The following CDC14B variants were observed in gnomAD, a reference collection of about 807,000 sequenced individuals.
The protein encoded by CDC14B is dual specificity protein phosphatase CDC14B.
CDC14B carries 22 observed loss-of-function variants against 64.2 expected under a neutral mutation model. The observed-to-expected ratio is 0.34, with a 90% confidence interval of 0.24 to 0.49. The LOEUF (loss-of-function observed/expected upper bound fraction) is 0.49. CDC14B is among the 20% of genes least tolerant of loss of function. CDC14B has a pLI of 0.99. For synonymous variants in CDC14B, 191 were observed against 215.8 expected, an observed-to-expected ratio of 0.89 and a Z score of 1.01; for missense variants, 498 against 629.9, an observed-to-expected ratio of 0.79 and a Z score of 2.24.
At chr9:96,599,251 G>A (rs1416779556) in intron 1 of CDC14B, among the ~76,000 whole-genome samples, 2 of 151,960 alleles carry the variant, frequency 1.3e-5, no homozygotes, top group African/African-American at 4.8e-5. Flanking sequence ...CATCATGATG[G>A]GTGCCTGTAA....
intron 13 of CDC14B, among the ~76,000 whole-genome samples, chr9:96,508,800 C>T (rs757819925): frequency 5.1e-4 from 78 of 152,226 alleles, no homozygotes; most frequent in Non-Finnish European, 1.0e-3. Context: ...ACTAATTTCA[C>T]ACTGATAAGG....
intron 1 of CDC14B, among the ~76,000 whole-genome samples, chr9:96,602,640 GC>G (rs1846571127): frequency 6.6e-6 from 1 of 152,038 alleles, no homozygotes; most frequent in South Asian, 2.1e-4. Flanking sequence ...GGAAAGACCT[GC>G]CCCCATGATT....
intron 13 of CDC14B, among the ~76,000 whole-genome samples, chr9:96,494,981 C>T (rs1833189263): frequency 6.6e-6 from 1 of 151,502 alleles, no homozygotes; most frequent in African/African-American, 2.4e-5. Flanking sequence ...ACTACAGGTA[C>T]CTGCCACCAC....
At chr9:96,594,879 G>A (rs569315155) in intron 1 of CDC14B, among the ~76,000 whole-genome samples, 17 of 152,198 alleles carry the variant, frequency 1.1e-4, no homozygotes, top group African/African-American at 2.9e-4. Flanking sequence ...TTGGCTGGGC[G>A]CGGTGGCTCA....
At chr9:96,494,031 A>T (rs1833155483) in intron 13 of CDC14B, among the ~76,000 whole-genome samples, 1 of 152,142 alleles carries the variant, frequency 6.6e-6, no homozygotes, top group South Asian at 2.1e-4. Flanking sequence ...TTCCCCCTGC[A>T]CCTATGGCAA....
chr9:96,549,856 T>C (rs549095629), intron 5 of CDC14B, among the ~76,000 whole-genome samples: 16 of 152,340 alleles, frequency 1.1e-4, no homozygotes, highest in Admixed American at 6.5e-4. Context: ...ATTTGAAACA[T>C]AGCAAGGCAG....
chr9:96,543,074 C>A (rs531448746), intron 5 of CDC14B, among the ~76,000 whole-genome samples: 4 of 151,028 alleles, frequency 2.6e-5, no homozygotes, highest in African/African-American at 9.8e-5. Flanking sequence ...CAGTGGCTAA[C>A]GCCTGTAATC....
intron 1 of CDC14B, among the ~76,000 whole-genome samples, chr9:96,582,824 A>G (rs1470307854): frequency 6.6e-6 from 1 of 152,190 alleles, no homozygotes; most frequent in Admixed American, 6.5e-5. Flanking sequence ...AGATTTACTA[A>G]TTAAATTGAT....
intron 1 of CDC14B, among the ~76,000 whole-genome samples, chr9:96,593,074 T>C (rs1182708864): frequency 1.3e-5 from 2 of 152,158 alleles, no homozygotes; most frequent in South Asian, 2.1e-4. Flanking sequence ...TAAAATAGAA[T>C]TTAAAAACCC....
chr9:96,512,486 A>AT (rs1264573735), intron 12 of CDC14B, among the ~76,000 whole-genome samples: 1 of 151,324 alleles, frequency 6.6e-6, no homozygotes, highest in Non-Finnish European at 1.5e-5. Flanking sequence ...CACCCAGCTA[A>AT]TTTTTTCATT....
chr9:96,598,301 G>A (rs1846213744), intron 1 of CDC14B, among the ~76,000 whole-genome samples: 1 of 152,188 alleles, frequency 6.6e-6, no homozygotes, highest in Non-Finnish European at 1.5e-5. Flanking sequence ...AAATCTAAAA[G>A]TTTGGTAACC....
In CDC14B at chr9:96,522,486, A is replaced by G. The variant is rs764827103; in HGVS notation, c.1343+20T>C. 5.8e-6 allele frequency: 9 copies of G among 1,546,068 alleles called. No homozygotes were observed. The highest frequency in any genetic ancestry group is 1.1e-5 in the South Asian group (1 of 89,730). On this transcript the variant is annotated intron_variant, in intron 12 of 13. Transcript: ENST00000375241. The stretch of plus-strand genomic sequence containing the variant: ...CACATATGAAGAAACATCAACCACA[A>G]CAAAGGAACCCAGACTCACGTGAGA...
intron 9 of CDC14B, 72 bp downstream of exon 9, chr9:96,533,855 G>A: frequency 4.4e-6 from 4 of 903,380 alleles, no homozygotes; most frequent in Non-Finnish European, 6.4e-6. Flanking sequence ...TAAACTAAAT[G>A]AATATGGTCT....
chr9:96,550,686 T>C (rs1043937696), intron 5 of CDC14B, among the ~76,000 whole-genome samples: 10 of 152,240 alleles, frequency 6.6e-5, no homozygotes, highest in Non-Finnish European at 1.5e-4. Context: ...AATTATTTCA[T>C]ACATTTATTA....
chr9:96,611,431 A>G (rs10978347), intron 1 of CDC14B, among the ~76,000 whole-genome samples: 18,442 of 152,212 alleles, frequency 0.12, 3,694 homozygotes, highest in African/African-American at 0.42. Flanking sequence ...ATTCATAAAG[A>G]TGCCTGATCT....
chr9:96,498,914 G>C (rs939548162), downstream of CDC14B, among the ~76,000 whole-genome samples: 2 of 152,242 alleles, frequency 1.3e-5, no homozygotes, highest in African/African-American at 2.4e-5. Flanking sequence ...CTAAGGACCA[G>C]GGGTCCCTGC....
At chr9:96,567,598 AC>A (rs199516108) in intron 1 of CDC14B, among the ~76,000 whole-genome samples, 17 of 152,330 alleles carry the variant, frequency 1.1e-4, no homozygotes, top group African/African-American at 3.9e-4. Flanking sequence ...TGGTTTAAAA[AC>A]AAAAATGTTG....
intron 12 of CDC14B, among the ~76,000 whole-genome samples, chr9:96,519,412 T>TA (rs1836293330): frequency 6.6e-6 from 1 of 152,010 alleles, no homozygotes. Context: ...ACTAAAAACT[T>TA]AAACTCTCCC....
chr9:96,551,330 G>A (rs949725435), intron 5 of CDC14B, among the ~76,000 whole-genome samples: 2 of 151,636 alleles, frequency 1.3e-5, no homozygotes, highest in South Asian at 2.1e-4. Context: ...CTTTGTTGCC[G>A]AGGCTGGTCT....
Sources: allele counts gnomAD v4.1 joint callset (sites outside exome capture counted in the v4.1 genomes callset), GRCh38; gene constraint gnomAD v4.1.1; transcripts MANE v1.5; gene names NCBI Gene and HGNC (gene_info 2026-07-23, HGNC 2026-07-21).